Variants in TENM2 observed in about 807,000 individuals in gnomAD.
TENM2 encodes the protein teneurin-2.
Under a neutral mutation model 245.2 loss-of-function variants are expected in TENM2, and 52 were observed. The ratio of observed to expected loss-of-function variants is 0.21; its 90% CI spans 0.17 to 0.27. TENM2 has a LOEUF of 0.27. Among genes scored for constraint, TENM2 ranks in the 10% least tolerant of loss-of-function variants. TENM2 has a pLI of 1.00. For missense variants in TENM2, 3,046 were observed against 3,666.8 expected (o/e 0.83, Z 4.37); for synonymous variants, 1,363 against 1,438.9 (o/e 0.95, Z 1.19).
chr5:167,500,010 G>A (rs4869049), intron 2 of TENM2, among the ~76,000 whole-genome samples: 1 of 149,188 alleles, frequency 6.7e-6, no homozygotes, highest in Non-Finnish European at 1.5e-5. Context: ...GTATGTGTGT[G>A]TGTATGTGTA....
chr5:168,227,903 C>G, exon 25 of TENM2: 1 of 1,591,828 alleles, frequency 6.3e-7, no homozygotes, highest in Non-Finnish European at 8.6e-7. Context: ...AGATCAAGTT[C>G]GGAACAGCTA....
the TENM2 span, among the ~76,000 whole-genome samples, chr5:167,225,307 A>G: frequency 6.6e-6 from 1 of 152,006 alleles, no homozygotes; most frequent in East Asian, 1.9e-4. Context: ...GGTTTTTCAT[A>G]CATGTTCTTT....
At chr5:167,805,336 T>C (rs1449456540) in intron 2 of TENM2, among the ~76,000 whole-genome samples, 3 of 152,174 alleles carry the variant, frequency 2.0e-5, no homozygotes, top group Non-Finnish European at 4.4e-5. Flanking sequence ...GTATTGGCTC[T>C]CCTGAGAAAT....
intron 1 of TENM2, among the ~76,000 whole-genome samples, chr5:167,322,952 A>T (rs1174802669): frequency 6.6e-6 from 1 of 152,218 alleles, no homozygotes; most frequent in Non-Finnish European, 1.5e-5. Context: ...TAATTCACAG[A>T]ATAGAAATAG....
At chr5:167,775,976 C>A (rs184195919) in intron 2 of TENM2, among the ~76,000 whole-genome samples, 65 of 151,948 alleles carry the variant, frequency 4.3e-4, no homozygotes, top group Admixed American at 3.8e-3. Flanking sequence ...ATGGGAAATT[C>A]TAAATGTAAA....
intron 2 of TENM2, among the ~76,000 whole-genome samples, chr5:167,684,279 A>T (rs566059497): frequency 6.6e-6 from 1 of 152,286 alleles, no homozygotes; most frequent in Non-Finnish European, 1.5e-5. Context: ...CTTGGTTCTT[A>T]TGTGGGTGAG....
exon 17 of TENM2, chr5:168,200,094 G>A (rs375058000): frequency 2.6e-5 from 42 of 1,613,674 alleles, no homozygotes; most frequent in African/African-American, 1.5e-4. Flanking sequence ...AGACAGATGC[G>A]TATGGCCAAA....
At chr5:167,510,734 G>C (rs1485691402) in intron 2 of TENM2, among the ~76,000 whole-genome samples, 1 of 151,954 alleles carries the variant, frequency 6.6e-6, no homozygotes, top group Non-Finnish European at 1.5e-5. Flanking sequence ...TTAGTTTTTT[G>C]TTGTTGTTTG....
intron 12 of TENM2, among the ~76,000 whole-genome samples, chr5:168,153,927 A>G (rs1756880577): frequency 6.6e-6 from 1 of 152,116 alleles, no homozygotes; most frequent in Non-Finnish European, 1.5e-5. Flanking sequence ...CGTTTTAGCA[A>G]CACGGTGCTA....
At chr5:167,226,379 T>A in the TENM2 span, among the ~76,000 whole-genome samples, 1 of 152,022 alleles carries the variant, frequency 6.6e-6, no homozygotes, top group Non-Finnish European at 1.5e-5. Flanking sequence ...ACTTTTTGAC[T>A]TCCTCTTAAT....
At chr5:167,373,590 A>G (rs940106626) in intron 1 of TENM2, among the ~76,000 whole-genome samples, 1 of 152,232 alleles carries the variant, frequency 6.6e-6, no homozygotes, top group African/African-American at 2.4e-5. Flanking sequence ...TCTGTTTTGC[A>G]TGGAAATCTT....
At chr5:168,031,154 G>C (rs1787111772) in intron 5 of TENM2, among the ~76,000 whole-genome samples, 1 of 152,214 alleles carries the variant, frequency 6.6e-6, no homozygotes, top group Non-Finnish European at 1.5e-5. Flanking sequence ...GCAGCTTCAA[G>C]AGTCAGTGCA....
chr5:167,857,930 G>A (rs1478326453), intron 2 of TENM2, among the ~76,000 whole-genome samples: 2 of 152,178 alleles, frequency 1.3e-5, no homozygotes, highest in African/African-American at 4.8e-5. Context: ...AGAAAAAGCT[G>A]CATTCTCTTT....
At chr5:168,025,135 G>T (rs976860214) in intron 5 of TENM2, among the ~76,000 whole-genome samples, 2 of 152,072 alleles carry the variant, frequency 1.3e-5, no homozygotes, top group Non-Finnish European at 2.9e-5. Flanking sequence ...TTACCACTTG[G>T]GACTCACATG....
intron 2 of TENM2, among the ~76,000 whole-genome samples, chr5:167,532,677 G>T (rs749155227): frequency 6.6e-6 from 1 of 151,088 alleles, no homozygotes; most frequent in Non-Finnish European, 1.5e-5. Flanking sequence ...CAGCCAAACC[G>T]TATCTCCTAT....
At chr5:168,238,234 GAAAAGAAAAGAAAAGAAAAGAAA>G (rs1728422380) in intron 25 of TENM2, among the ~76,000 whole-genome samples, 1 of 90,966 alleles carries the variant, frequency 1.1e-5, no homozygotes, top group African/African-American at 4.1e-5. Context: ...GAAAAGAAAA[GAAAAGAAAAGAAAAGAAAAGAAA>G]AGAAAAGAAA....
chr5:167,993,222 C>A, intron 5 of TENM2, 40 bp downstream of exon 7: 1 of 1,525,076 alleles, frequency 6.6e-7, no homozygotes, highest in Non-Finnish European at 9.1e-7. Flanking sequence ...CTGGGGATGA[C>A]AACATGAGGG....
At chr5:167,236,652 G>T in the TENM2 span, among the ~76,000 whole-genome samples, 3 of 152,072 alleles carry the variant, frequency 2.0e-5, no homozygotes, top group African/African-American at 7.2e-5. Flanking sequence ...AGGGAAGGCC[G>T]CAGGAGGGCT....
At chr5:168,093,266 C>T (rs1793093952) in intron 8 of TENM2, among the ~76,000 whole-genome samples, 1 of 152,208 alleles carries the variant, frequency 6.6e-6, no homozygotes, top group Admixed American at 6.5e-5. Flanking sequence ...GGCCATCACT[C>T]ACCCTGGCCT....
Sources: gnomAD v4.1 joint callset for allele counts (sites outside exome capture counted in the v4.1 genomes callset) on GRCh38, gnomAD v4.1.1 for gene constraint, MANE v1.5 for transcripts, NCBI Gene and HGNC (gene_info 2026-07-23, HGNC 2026-07-21) for gene names.